The following MRPS21 variants were observed in gnomAD, a reference collection of about 807,000 sequenced individuals.
The protein encoded by MRPS21 is small ribosomal subunit protein bS21m.
In MRPS21, 8 loss-of-function variants were observed where a neutral mutation model predicts 9.9. The ratio of observed to expected loss-of-function variants is 0.81; its 90% CI spans 0.47 to 1.45. The LOEUF is 1.45. MRPS21 is among the 40% of genes most tolerant of loss of function. MRPS21 has a pLI of 0.00. For synonymous variants in MRPS21, 40 were observed against 40.3 expected, an observed-to-expected ratio of 0.99 and a Z score of 0.03; for missense variants, 101 against 118.9, an observed-to-expected ratio of 0.85 and a Z score of 0.70.
intron 2 of MRPS21, among the ~76,000 whole-genome samples, chr1:150,302,492 G>A (rs1367830221): frequency 2.0e-5 from 3 of 152,090 alleles, no homozygotes; most frequent in East Asian, 3.9e-4. Flanking sequence ...CTGCATACAC[G>A]TCTGTCCTGA....
Position 150,308,251 on chromosome 1 carries a change from T to C in MRPS21, c.*23T>C. Reference sequence around the variant, plus strand: ...TGAGGCCTGTGGGTGGGACACCCAGTGCGAAACCCTCATCCAGTTTTCTCT... The same window carrying C: ...TGAGGCCTGTGGGTGGGACACCCAGCGCGAAACCCTCATCCAGTTTTCTCT... On this transcript the variant is annotated 3_prime_UTR_variant, in exon 3 of 3. Transcript: ENST00000614145. 2 of 1,571,212 alleles carry C rather than the reference T, an allele frequency of 1.3e-6. No homozygotes were observed. Among genetic ancestry groups the C allele is most frequent in the Non-Finnish European group, 1.7e-6 (2 of 1,146,284 alleles).
At position 150,308,260 on chromosome 1, in the gene MRPS21, C is replaced by T; in HGVS notation, c.*32C>T. The T allele has an allele frequency of 1.9e-6, 3 of 1,565,312 alleles. No homozygotes were observed. Among genetic ancestry groups the T allele is most frequent in the Non-Finnish European group, 2.6e-6 (3 of 1,143,884 alleles). The stretch of plus-strand genomic sequence containing the variant: ...TGGGTGGGACACCCAGTGCGAAACC[C>T]TCATCCAGTTTTCTCTCCATCTCTT... On this transcript the variant is annotated 3_prime_UTR_variant, in exon 3 of 3. Transcript: ENST00000614145.
intron 2 of MRPS21, among the ~76,000 whole-genome samples, chr1:150,303,227 T>G (rs1204597160): frequency 6.6e-6 from 1 of 152,234 alleles, no homozygotes; most frequent in Non-Finnish European, 1.5e-5. Context: ...TCATATTTAC[T>G]CAGGGTCTCT....
intron 2 of MRPS21, among the ~76,000 whole-genome samples, chr1:150,307,197 G>A (rs1654366048): frequency 6.6e-6 from 1 of 150,698 alleles, no homozygotes; most frequent in Non-Finnish European, 1.5e-5. Context: ...ATAGGCGCCC[G>A]CCATCATGCC....
intron 2 of MRPS21, among the ~76,000 whole-genome samples, chr1:150,300,641 G>A (rs1003047549): frequency 6.6e-6 from 1 of 152,066 alleles, no homozygotes; most frequent in African/African-American, 2.4e-5. Flanking sequence ...CTTCGTATTC[G>A]TTGCCATTGC....
At chr1:150,306,581 C>T (rs1216357354) in intron 2 of MRPS21, among the ~76,000 whole-genome samples, 1 of 152,102 alleles carries the variant, frequency 6.6e-6, no homozygotes, top group Admixed American at 6.6e-5. Flanking sequence ...CTGCAATCTC[C>T]GCCCCCAGGG....
chr1:150,298,897 G>T (rs1237847050), intron 2 of MRPS21, among the ~76,000 whole-genome samples: 1 of 152,094 alleles, frequency 6.6e-6, no homozygotes, highest in Non-Finnish European at 1.5e-5. Flanking sequence ...ACCATGCCCA[G>T]CTGAACCACT....
intron 2 of MRPS21, among the ~76,000 whole-genome samples, chr1:150,301,497 C>T (rs1359911220): frequency 2.0e-5 from 3 of 152,068 alleles, no homozygotes; most frequent in Non-Finnish European, 4.4e-5. Context: ...AGCGAGACTT[C>T]GTCTCAAAAA....
At position 150,294,398 on chromosome 1, in the gene MRPS21, C is replaced by T. The variant is rs1553856180; in HGVS notation, c.32C>T (p.Thr11Ile). The T allele has an allele frequency of 6.2e-7, 1 of 1,613,778 alleles. No individual in the cohort carries two copies. Among genetic ancestry groups the T allele is most frequent in the African/African-American group, 1.3e-5 (1 of 74,998 alleles). Residue 11 changes from threonine to isoleucine, a missense_variant, in exon 2 of 3, where the codon ACT becomes ATT. Thr to Ile is a moderately conservative substitution (Grantham distance 89). Coordinates refer to ENST00000614145, the MANE Select transcript of MRPS21 (RefSeq NM_031901.6). ...AAACATCTGAAGTTCATCGCCAGGA[C>T]TGTGATGGTACAGGAAGGGAACGTG... Reference protein sequence around the residue: MAKHLKFIARTVMVQEGNVES... With the variant: MAKHLKFIARIVMVQEGNVES...
chr1:150,302,874 C>T (rs1425272497), intron 2 of MRPS21, among the ~76,000 whole-genome samples: 1 of 152,100 alleles, frequency 6.6e-6, no homozygotes, highest in Non-Finnish European at 1.5e-5. Context: ...TAGAACGTGT[C>T]GGGTAAGGGA....
intron 2 of MRPS21, among the ~76,000 whole-genome samples, chr1:150,305,623 T>G (rs1437667619): frequency 6.6e-6 from 1 of 151,728 alleles, no homozygotes; most frequent in Non-Finnish European, 1.5e-5. Flanking sequence ...TGAGATGGAG[T>G]CTCCATCTTT....
At chr1:150,299,645 G>A (rs1028653229) in intron 2 of MRPS21, among the ~76,000 whole-genome samples, 4 of 152,010 alleles carry the variant, frequency 2.6e-5, no homozygotes, top group Non-Finnish European at 5.9e-5. Flanking sequence ...AGTAGAGACG[G>A]GGTTTCACCA....
At chr1:150,301,035 T>TA (rs71578475) in intron 2 of MRPS21, among the ~76,000 whole-genome samples, 38 of 151,124 alleles carry the variant, frequency 2.5e-4, no homozygotes, top group African/African-American at 4.1e-4. Flanking sequence ...CTGTCTCTAC[T>TA]AAAAAAAATA....
chr1:150,298,753 CA>C (rs1654005702), intron 2 of MRPS21, among the ~76,000 whole-genome samples: 1 of 152,166 alleles, frequency 6.6e-6, no homozygotes, highest in Non-Finnish European at 1.5e-5. Flanking sequence ...AGGCGCATGC[CA>C]CTACCCCGGC....
chr1:150,307,507 A>C (rs1355967144), intron 2 of MRPS21, among the ~76,000 whole-genome samples: 1 of 151,926 alleles, frequency 6.6e-6, no homozygotes, highest in Non-Finnish European at 1.5e-5. Context: ...ACAGGCATGT[A>C]CCACCATGCC....
At chr1:150,302,336 G>A (rs879954423) in intron 2 of MRPS21, among the ~76,000 whole-genome samples, 1 of 152,106 alleles carries the variant, frequency 6.6e-6, no homozygotes, top group Non-Finnish European at 1.5e-5. Context: ...TTGGTGCCCC[G>A]GGATGAGAAG....
intron 2 of MRPS21, among the ~76,000 whole-genome samples, chr1:150,306,425 C>G (rs1654334022): frequency 6.6e-6 from 1 of 151,784 alleles, no homozygotes; most frequent in African/African-American, 2.4e-5. Context: ...ACCACTACGC[C>G]TGGCTAATTT....
intron 2 of MRPS21, chr1:150,305,121 C>T: frequency 1.2e-5 from 3 of 241,202 alleles, no homozygotes; most frequent in South Asian, 1.1e-4. Flanking sequence ...TCTCAACCTC[C>T]TGGGATAAAG....
At chr1:150,303,242 T>C (rs1384806814) in intron 2 of MRPS21, among the ~76,000 whole-genome samples, 1 of 152,190 alleles carries the variant, frequency 6.6e-6, no homozygotes, top group Admixed American at 6.6e-5. Context: ...GTCTCTGTCG[T>C]TTTTATATTC....
Sources: allele counts gnomAD v4.1 joint callset (sites outside exome capture counted in the v4.1 genomes callset), GRCh38; gene constraint gnomAD v4.1.1; transcripts MANE v1.5; gene names NCBI Gene and HGNC (gene_info 2026-07-23, HGNC 2026-07-21).